Variants in PHACTR3 observed in about 807,000 individuals in gnomAD.
The protein encoded by PHACTR3 is protein phosphatase 1, regulatory subunit 123.
Under a neutral mutation model 66.8 loss-of-function variants are expected in PHACTR3, and 16 were observed. The ratio of observed to expected loss-of-function variants is 0.24; its 90% CI spans 0.16 to 0.36. PHACTR3 has a LOEUF of 0.36. Among genes scored for constraint, PHACTR3 ranks in the 10% least tolerant of loss-of-function variants. PHACTR3 has a pLI of 1.00. For missense variants in PHACTR3, 647 were observed against 719.9 expected, an observed-to-expected ratio of 0.90 and a Z score of 1.16; for synonymous variants, 323 against 292.1, an observed-to-expected ratio of 1.11 and a Z score of -1.08.
rs142087662 is a variant in PHACTR3 at position 59,776,207 on chromosome 20, G to A, written c.1174+1717G>A. Among the ~76,000 whole-genome samples, 515 of 152,276 alleles carry A rather than the reference G, an allele frequency of 3.4e-3. 2 individuals carry two copies. Among genetic ancestry groups the A allele is most frequent in the African/African-American group, 0.012 (492 of 41,556 alleles). On this transcript the variant is annotated intron_variant, in intron 7 of 12. Coordinates refer to ENST00000371015, the MANE Select transcript of PHACTR3 (RefSeq NM_080672.5). ...ACCGGGTGTTTCTTGTGTCCGGGAT[G>A]CTGGTCTAAGGTTGTGACAAGAAAG...
intron 1 of PHACTR3, among the ~76,000 whole-genome samples, chr20:59,656,943 G>T (rs562386248): frequency 1.3e-5 from 2 of 151,468 alleles, no homozygotes; most frequent in African/African-American, 4.8e-5. Flanking sequence ...TCATTTTTGC[G>T]CTATAATTTT....
Position 59,661,046 on chromosome 20 carries a change from A to G in PHACTR3, c.118+55914A>G, listed in dbSNP as rs183914503. Among the ~76,000 whole-genome samples the G allele has an allele frequency of 2.3e-3, 349 of 152,214 alleles. 6 individuals are homozygous for G. Among genetic ancestry groups the G allele is most frequent in the African/African-American group, 8.0e-3 (333 of 41,532 alleles). On this transcript the variant is annotated intron_variant, in intron 1 of 12. Transcript: ENST00000371015. ...TCACACTGTGATTCTCATTTTCCTA[A>G]TGTCTGTTTCAGAATTTTAAAGTGG...
chr20:59,840,946 ACC>A (rs2059047172), intron 10 of PHACTR3, among the ~76,000 whole-genome samples: 2 of 152,324 alleles, frequency 1.3e-5, no homozygotes, highest in Non-Finnish European at 2.9e-5. Flanking sequence ...TAAAGCCTTG[ACC>A]ATTTCTAAAT....
intron 1 of PHACTR3, among the ~76,000 whole-genome samples, chr20:59,613,287 C>T (rs973314705): frequency 2.6e-5 from 4 of 152,184 alleles, no homozygotes; most frequent in South Asian, 2.1e-4. Context: ...GCGTCCCTGT[C>T]GTAGGGTGGG....
chr20:59,707,706 TC>T (rs1210411773), intron 1 of PHACTR3, among the ~76,000 whole-genome samples: 1 of 151,938 alleles, frequency 6.6e-6, no homozygotes, highest in Non-Finnish European at 1.5e-5. Context: ...CAAAAAACGA[TC>T]CTCCCACCTC....
At chr20:59,657,745 G>T (rs949725972) in intron 1 of PHACTR3, among the ~76,000 whole-genome samples, 6 of 151,886 alleles carry the variant, frequency 4.0e-5, no homozygotes, top group Non-Finnish European at 8.8e-5. Flanking sequence ...TCTCTTTGTT[G>T]TTTCTCAACA....
intron 8 of PHACTR3, among the ~76,000 whole-genome samples, chr20:59,814,065 G>A (rs549750332): frequency 3.3e-5 from 5 of 152,338 alleles, no homozygotes; most frequent in South Asian, 4.1e-4. Context: ...CCAAGGAGGC[G>A]CTGGCTAAGC....
Position 59,734,347 on chromosome 20 carries a change from G to C in PHACTR3, c.119-8760G>C, listed in dbSNP as rs973906004. ...ATTCACTGTAACCTGGAATTCCTGAGCTCAAGCAATCCTCCTGCCTCAGCC... is the reference window on the plus strand; with the variant it reads ...ATTCACTGTAACCTGGAATTCCTGACCTCAAGCAATCCTCCTGCCTCAGCC... On this transcript the variant is annotated intron_variant, in intron 1 of 12. Coordinates refer to ENST00000371015, the MANE Select transcript of PHACTR3 (RefSeq NM_080672.5). Among the ~76,000 whole-genome samples the C allele has an allele frequency of 6.3e-4, 96 of 152,082 alleles. 1 individual carries two copies. The highest frequency in any genetic ancestry group is 5.4e-4 in the Non-Finnish European group (37 of 68,012).
Position 59,729,775 on chromosome 20 carries a change from C to T in PHACTR3, c.119-13332C>T, listed in dbSNP as rs1383620764. 1.2e-4 allele frequency among the ~76,000 whole-genome samples: 18 copies of T among 152,088 alleles called. 1 individual carries two copies. The highest frequency in any genetic ancestry group is 1.2e-3 in the Admixed American group (18 of 15,272). On this transcript the variant is annotated intron_variant, in intron 1 of 12. Transcript: ENST00000371015. ...ATGACAATCACCAGAGGAACCAGGC[C>T]CAGGCAAGGGGCCTGTGATGAAGCG...
chr20:59,679,723 T>C (rs764540267), intron 1 of PHACTR3, among the ~76,000 whole-genome samples: 2 of 152,182 alleles, frequency 1.3e-5, no homozygotes, highest in African/African-American at 2.4e-5. Context: ...GTGAAAGGCA[T>C]GTCTTACGTG....
chr20:59,703,100 G>A (rs761549696), intron 1 of PHACTR3, among the ~76,000 whole-genome samples: 1 of 152,098 alleles, frequency 6.6e-6, no homozygotes, highest in Non-Finnish European at 1.5e-5. Flanking sequence ...CATTCCTGAG[G>A]CACAGATAAG....
At chr20:59,595,271 T>C (rs1014179273) in intron 1 of PHACTR3, among the ~76,000 whole-genome samples, 1 of 151,988 alleles carries the variant, frequency 6.6e-6, no homozygotes, top group African/African-American at 2.4e-5. Context: ...GACCAGCCTG[T>C]CCAATATGGT....
chr20:59,831,408 C>CT (rs2042372722), intron 8 of PHACTR3, among the ~76,000 whole-genome samples: 2 of 152,168 alleles, frequency 1.3e-5, no homozygotes, highest in Admixed American at 1.3e-4. Flanking sequence ...CCTGGGGTTT[C>CT]TTTTCTTAGT....
At position 59,815,809 on chromosome 20, in the gene PHACTR3, C is replaced by T. The variant is rs80167136; in HGVS notation, c.1328+9615C>T. 7.7e-3 allele frequency among the ~76,000 whole-genome samples: 1,171 copies of T among 152,102 alleles called. 18 individuals are homozygous for T. Among genetic ancestry groups the T allele is most frequent in the African/African-American group, 0.027 (1,109 of 41,468 alleles). On this transcript the variant is annotated intron_variant, in intron 8 of 12. Transcript: ENST00000371015. Reference sequence around the variant, plus strand: ...TTTATCTTTATGGATCATGGGTCTGCGAACTGGATGAGAGTTTTAAGCATG... The same window carrying T: ...TTTATCTTTATGGATCATGGGTCTGTGAACTGGATGAGAGTTTTAAGCATG...
chr20:59,588,630 C>A (rs1228310226), intron 1 of PHACTR3, among the ~76,000 whole-genome samples: 1 of 152,208 alleles, frequency 6.6e-6, no homozygotes, highest in Non-Finnish European at 1.5e-5. Flanking sequence ...CCGCCATCTT[C>A]CCGGTACTGC....
rs2059037167 is a variant in PHACTR3 at position 59,840,414 on chromosome 20, A to G, written c.1430A>G (p.Gln477Arg). The G allele has an allele frequency of 8.1e-6, 13 of 1,613,332 alleles. No homozygotes were observed. Among genetic ancestry groups the G allele is most frequent in the African/African-American group, 1.3e-5 (1 of 74,892 alleles). The change falls in exon 10 of 13, where the codon CAA (glutamine) becomes CGA (arginine). Residue 477 changes from glutamine (Q) to arginine (R), a missense_variant. Gln to Arg is a conservative substitution (Grantham distance 43). Coordinates refer to ENST00000371015, the MANE Select transcript of PHACTR3 (RefSeq NM_080672.5). ...TEQEERREIK[Q>R]RLTRKLNQRP... ...CAGGAAGAAAGAAGAGAAATCAAGC[A>G]AAGATTGACAAGAAAGGTAGTATAA... is the stretch of plus-strand genomic sequence containing the variant.
intron 1 of PHACTR3, among the ~76,000 whole-genome samples, chr20:59,640,726 A>G (rs2035072117): frequency 6.6e-6 from 1 of 152,144 alleles, no homozygotes; most frequent in Non-Finnish European, 1.5e-5. Flanking sequence ...AGGGTTGTAA[A>G]TTTTACCTTG....
chr20:59,804,103 C>T (rs1227099515), intron 7 of PHACTR3, among the ~76,000 whole-genome samples: 1 of 152,162 alleles, frequency 6.6e-6, no homozygotes, highest in Non-Finnish European at 1.5e-5. Flanking sequence ...CCTCTTTTGG[C>T]TTTTAAGTAG....
At chr20:59,763,790 G>A (rs979184743) in intron 4 of PHACTR3, among the ~76,000 whole-genome samples, 3 of 152,152 alleles carry the variant, frequency 2.0e-5, no homozygotes, top group African/African-American at 7.2e-5. Context: ...GCTGAGCAGA[G>A]GTGGCCAGAG....
Sources: gnomAD v4.1 joint callset for allele counts (sites outside exome capture counted in the v4.1 genomes callset) on GRCh38, gnomAD v4.1.1 for gene constraint, MANE v1.5 for transcripts, NCBI Gene and HGNC (gene_info 2026-07-23, HGNC 2026-07-21) for gene names.